TOM1L2: variants seen among roughly 807,000 people sequenced by gnomAD.
The protein encoded by TOM1L2 is TOM1-like protein 2.
Under a neutral mutation model 67.9 loss-of-function variants are expected in TOM1L2, and 31 were observed. The observed-to-expected ratio is 0.46, with a 90% CI of 0.34 to 0.62. TOM1L2 has a LOEUF of 0.62. Among genes scored for constraint, TOM1L2 ranks in the 20% least tolerant of loss-of-function variants. The pLI is 0.01. For missense variants in TOM1L2, 606 were observed against 663.5 expected (o/e 0.91, Z 0.95); for synonymous variants, 256 against 254.0 (o/e 1.01, Z -0.07).
chr17:17,919,956 T>C (rs1352891695), intron 1 of TOM1L2, among the ~76,000 whole-genome samples: 3 of 152,066 alleles, frequency 2.0e-5, no homozygotes, highest in Non-Finnish European at 4.4e-5. Flanking sequence ...GAGGTAGCAA[T>C]ACTGCCAACC....
At chr17:17,902,800 T>C (rs1399861600) in intron 2 of TOM1L2, among the ~76,000 whole-genome samples, 1 of 152,232 alleles carries the variant, frequency 6.6e-6, no homozygotes, top group Non-Finnish European at 1.5e-5. Flanking sequence ...AGATATAGTA[T>C]GGATATGAAG....
chr17:17,888,325 T>C (rs188316864), intron 4 of TOM1L2, among the ~76,000 whole-genome samples: 4 of 152,346 alleles, frequency 2.6e-5, no homozygotes, highest in East Asian at 3.9e-4. Flanking sequence ...TTGGACCGTA[T>C]ACAAAACCCC....
chr17:17,908,812 A>G (rs970469603), intron 1 of TOM1L2, among the ~76,000 whole-genome samples: 1 of 152,234 alleles, frequency 6.6e-6, no homozygotes, highest in African/African-American at 2.4e-5. Flanking sequence ...GATATAGACA[A>G]ATTGGAACCC....
intron 1 of TOM1L2, among the ~76,000 whole-genome samples, chr17:17,912,555 G>A (rs952386500): frequency 2.0e-5 from 3 of 150,302 alleles, no homozygotes; most frequent in African/African-American, 4.9e-5. Flanking sequence ...ACGGGGCGGC[G>A]GGGCAGAGGC....
At chr17:17,861,357 C>A (rs1188167868) in intron 12 of TOM1L2, 119 bp downstream of exon 12, 2 of 930,138 alleles carry the variant, frequency 2.2e-6, no homozygotes, top group Admixed American at 2.2e-5. Context: ...GTCTCTCCCC[C>A]AGGGTGTCCC....
chr17:17,952,376 CTTTTTTTTTTTTTTT>C (rs60388742), intron 1 of TOM1L2, among the ~76,000 whole-genome samples: 11 of 79,920 alleles, frequency 1.4e-4, no homozygotes, highest in Non-Finnish European at 2.4e-4. Context: ...TCTTTATTTT[CTTTTTTTTTTTTTTT>C]TTTTTTTTTT....
intron 1 of TOM1L2, among the ~76,000 whole-genome samples, chr17:17,941,014 G>C (rs1433040935): frequency 6.6e-6 from 1 of 152,158 alleles, no homozygotes; most frequent in Non-Finnish European, 1.5e-5. Flanking sequence ...ATCTGTTCTA[G>C]TGTTTTCTTA....
intron 4 of TOM1L2, among the ~76,000 whole-genome samples, chr17:17,887,753 G>C (rs2038071878): frequency 6.6e-6 from 1 of 152,196 alleles, no homozygotes; most frequent in Non-Finnish European, 1.5e-5. Flanking sequence ...TGGGATTACA[G>C]ACATGAGCCA....
intron 1 of TOM1L2, among the ~76,000 whole-genome samples, chr17:17,969,857 CTT>C (rs1360834555): frequency 9.0e-6 from 1 of 110,526 alleles, no homozygotes; most frequent in African/African-American, 3.9e-5. Context: ...GAATAGGAAT[CTT>C]TCTCTCTCTC....
intron 1 of TOM1L2, among the ~76,000 whole-genome samples, chr17:17,908,355 G>A (rs1568236573): frequency 6.6e-6 from 1 of 152,078 alleles, no homozygotes; most frequent in East Asian, 1.9e-4. Context: ...AAAACTCTTA[G>A]AAGAAAACAT....
intron 7 of TOM1L2, among the ~76,000 whole-genome samples, chr17:17,878,734 G>A (rs1369496702): frequency 2.6e-5 from 4 of 152,222 alleles, no homozygotes; most frequent in Admixed American, 6.5e-5. Context: ...CTCCTGACCT[G>A]TTCCCTCAAG....
intron 8 of TOM1L2, chr17:17,869,127 C>G: frequency 1.1e-6 from 1 of 877,750 alleles, no homozygotes. Flanking sequence ...TAATTCTGCA[C>G]GTCAACTTCC....
At chr17:17,962,059 A>T (rs1386732047) in intron 1 of TOM1L2, among the ~76,000 whole-genome samples, 1 of 152,224 alleles carries the variant, frequency 6.6e-6, no homozygotes, top group South Asian at 2.1e-4. Flanking sequence ...GGAAACTTTG[A>T]CATGCTCCAA....
chr17:17,921,751 C>CGGGGGGGGGGG (rs2039880005), intron 1 of TOM1L2, among the ~76,000 whole-genome samples: 1 of 1,600 alleles, frequency 6.3e-4, no homozygotes, highest in Non-Finnish European at 1.3e-3. Flanking sequence ...AAAGTGGGGG[C>CGGGGGGGGGGG]GGGGTGGGGG....
intron 6 of TOM1L2, among the ~76,000 whole-genome samples, chr17:17,881,467 C>T (rs2037719292): frequency 6.6e-6 from 1 of 152,196 alleles, no homozygotes; most frequent in Non-Finnish European, 1.5e-5. Flanking sequence ...CACTTTGAGT[C>T]GGTGAAGGGG....
intron 12 of TOM1L2, 199 bp from the exon 13 acceptor site, chr17:17,851,151 A>G: frequency 1.7e-6 from 1 of 589,110 alleles, no homozygotes; most frequent in Non-Finnish European, 3.0e-6. Context: ...GAAAGCAATG[A>G]GGTGCAAATG....
At chr17:17,967,212 G>T (rs1470795250) in intron 1 of TOM1L2, among the ~76,000 whole-genome samples, 1 of 152,220 alleles carries the variant, frequency 6.6e-6, no homozygotes, top group Non-Finnish European at 1.5e-5. Flanking sequence ...ACACCAGTCA[G>T]TCTACAAACA....
At chr17:17,949,205 T>C (rs1177223827) in intron 1 of TOM1L2, among the ~76,000 whole-genome samples, 1 of 152,228 alleles carries the variant, frequency 6.6e-6, no homozygotes, top group East Asian at 1.9e-4. Context: ...TCCACCTTCA[T>C]CTTTTCCCAG....
chr17:17,889,421 A>G (rs2038160477), intron 4 of TOM1L2, among the ~76,000 whole-genome samples: 1 of 152,138 alleles, frequency 6.6e-6, no homozygotes, highest in African/African-American at 2.4e-5. Context: ...CCACTTCCCT[A>G]TAGGCACAGG....
Sources: gnomAD v4.1 joint callset for allele counts (sites outside exome capture counted in the v4.1 genomes callset) on GRCh38, gnomAD v4.1.1 for gene constraint, MANE v1.5 for transcripts, NCBI Gene and HGNC (gene_info 2026-07-23, HGNC 2026-07-21) for gene names.